Variants in ANXA11 observed in about 807,000 individuals in gnomAD.
The protein encoded by ANXA11 is 56 kDa autoantigen.
In ANXA11, 57 loss-of-function variants were observed where a neutral mutation model predicts 64.7. That is an observed-to-expected ratio of 0.88 (90% CI 0.71 to 1.10). The LOEUF is 1.10. Ranked by LOEUF, ANXA11 falls within the 50% of genes least tolerant of loss-of-function variation. ANXA11 has a pLI of 0.00. For synonymous variants in ANXA11, 260 were observed against 265.2 expected (o/e 0.98, Z 0.19); for missense variants, 675 against 670.7 (o/e 1.01, Z -0.07).
At chr10:80,182,569 A>G (rs182290591) in intron 1 of ANXA11, among the ~76,000 whole-genome samples, 29 of 152,336 alleles carry the variant, frequency 1.9e-4, no homozygotes, top group Admixed American at 1.1e-3. Flanking sequence ...ATACATGTGC[A>G]GAACATGCAG....
intron 1 of ANXA11, 39 bp from the exon 2 acceptor site, chr10:80,176,194 C>G (rs1166935602): frequency 6.6e-6 from 1 of 152,236 alleles, no homozygotes; most frequent in East Asian, 1.9e-4. Context: ...TTTACTACAG[C>G]CTTATCTGCA....
intron 1 of ANXA11, among the ~76,000 whole-genome samples, chr10:80,204,374 G>A (rs971904187): frequency 1.3e-5 from 2 of 152,258 alleles, no homozygotes; most frequent in African/African-American, 2.4e-5. Context: ...CCAGTGAAGG[G>A]TGAGCATACC....
chr10:80,193,348 A>T (rs940491207), intron 1 of ANXA11, among the ~76,000 whole-genome samples: 1 of 152,204 alleles, frequency 6.6e-6, no homozygotes, highest in African/African-American at 2.4e-5. Flanking sequence ...AATAGTTAAA[A>T]ATGATTAACT....
chr10:80,154,600 A>C lies in ANXA11; in HGVS notation c.*1253T>G, dbSNP rs1845218731. 1 of 152,250 alleles carries C rather than the reference A, an allele frequency of 6.6e-6. No homozygotes were observed. Among genetic ancestry groups the C allele is most frequent in the Non-Finnish European group, 1.5e-5 (1 of 68,070 alleles). The allele number at this position is 152,250 out of a possible 1,614,324, so 9.4% of individuals were successfully genotyped here. On this transcript the variant is annotated 3_prime_UTR_variant, in exon 16 of 16. Transcript: ENST00000422982. Reference sequence around the variant, plus strand: ...TGGGTGGAGACCCCTGATGCAAGGTAAGCTCTAGCTTCTGGACATGACACC... The same window carrying C: ...TGGGTGGAGACCCCTGATGCAAGGTCAGCTCTAGCTTCTGGACATGACACC...
chr10:80,192,716 A>G lies in ANXA11; in HGVS notation c.-58+12627T>C, dbSNP rs551649877. Among the ~76,000 whole-genome samples, 12 of 152,366 alleles carry G rather than the reference A, an allele frequency of 7.9e-5. No individual in the cohort carries two copies. The South Asian group carries it at 1.4e-3, about 18-fold the overall frequency. On this transcript the variant is annotated intron_variant, in intron 1 of 15. Coordinates refer to ENST00000422982, the MANE Select transcript of ANXA11 (RefSeq NM_145868.2). ...CAACAGCCACACTAGAAACTAGAAG[A>G]TAACAGAATAATGTGTTCAGTGTTC... is the stretch of plus-strand genomic sequence containing the variant.
Position 80,168,986 on chromosome 10 carries a change from C to T in ANXA11, c.544G>A (p.Ala182Thr), listed in dbSNP as rs758134625. ...GYPGSGTVTP[A>T]VPPTQFGSRG... is the part of the protein sequence containing the mutation. ...ACACTCACCTGGGTTGGGGGCACAG[C>T]GGGGGTGACAGTCCCAGACCCCGGG... The change falls in exon 5 of 16, where the codon GCT becomes ACT. Residue 182 changes from alanine to threonine, a missense_variant. Physicochemically the swap from Ala to Thr is moderately conservative, Grantham distance 58. Transcript: ENST00000422982. 9 of 1,538,268 alleles carry T rather than the reference C, an allele frequency of 5.9e-6. No homozygotes were observed. Among genetic ancestry groups the T allele is most frequent in the South Asian group, 2.6e-5 (2 of 77,074 alleles).
At chr10:80,163,187 T>C (rs1845581756) in intron 11 of ANXA11, among the ~76,000 whole-genome samples, 162 bp downstream of exon 11, 1 of 152,180 alleles carries the variant, frequency 6.6e-6, no homozygotes, top group African/African-American at 2.4e-5. Flanking sequence ...TTACCTGTTC[T>C]AGGTCATACA....
rs776038968 is a variant in ANXA11 at position 80,157,956 on chromosome 10, A to G, written c.1335+11T>C. On this transcript the variant is annotated intron_variant, in intron 14 of 15. Transcript: ENST00000422982. ...AGGTTCCATCGCAACCTGCACATGG[A>G]AGTTACATACCCTCATGGCCTTGTT... 38 of 1,613,524 alleles carry G rather than the reference A, an allele frequency of 2.4e-5. 2 individuals carry two copies. The South Asian group carries it at 4.1e-4, about 17-fold the overall frequency.
intron 8 of ANXA11, among the ~76,000 whole-genome samples, chr10:80,164,889 C>T (rs2132392484): frequency 6.6e-6 from 1 of 152,356 alleles, no homozygotes; most frequent in Non-Finnish European, 1.5e-5. Flanking sequence ...ATTGTGTCAG[C>T]TGTTTCCTGC....
At chr10:80,181,227 G>A (rs1329505082) in intron 1 of ANXA11, 1 of 152,230 alleles carries the variant, frequency 6.6e-6, no homozygotes, top group Non-Finnish European at 1.5e-5. Flanking sequence ...GACGCAGGCA[G>A]ATCATTTGAG....
chr10:80,192,241 C>T (rs1005321561), intron 1 of ANXA11, among the ~76,000 whole-genome samples: 3 of 152,108 alleles, frequency 2.0e-5, no homozygotes, highest in South Asian at 2.1e-4. Flanking sequence ...GGAAACACAC[C>T]GAAGGGGGAA....
intron 10 of ANXA11, 26 bp from the exon 11 acceptor site, chr10:80,163,431 T>G: frequency 1.2e-6 from 2 of 1,614,072 alleles, no homozygotes; most frequent in Non-Finnish European, 8.5e-7. Context: ...TGTATGGTCA[T>G]GCCCACTCCT....
chr10:80,186,482 G>A (rs61860042), intron 1 of ANXA11, among the ~76,000 whole-genome samples: 10,954 of 152,208 alleles, frequency 0.072, 585 homozygotes, highest in South Asian at 0.2. Flanking sequence ...GTGTATGGGG[G>A]CCTGCTCCAC....
At chr10:80,197,872 C>T (rs570370252) in intron 1 of ANXA11, among the ~76,000 whole-genome samples, 3 of 151,724 alleles carry the variant, frequency 2.0e-5, no homozygotes, top group East Asian at 1.9e-4. Context: ...TGCAGTGAGC[C>T]GAGATCATGC....
rs1845338632 is a variant in ANXA11, at chr10:80,157,867, C to T, written c.1335+100G>A. The T allele has an allele frequency of 1.9e-6, 3 of 1,589,624 alleles. No homozygotes were observed. The South Asian group carries it at 3.4e-5, about 18-fold the overall frequency. ...CTACCCAGGTCCTCGGAACTCTCAG[C>T]TGAGATTTAGCTCTCCCCAGGCCTT... On this transcript the variant is annotated intron_variant, in intron 14 of 15. Coordinates refer to ENST00000422982, the MANE Select transcript of ANXA11 (RefSeq NM_145868.2).
chr10:80,152,222 A>C lies in ANXA11; in HGVS notation c.*3631T>G, dbSNP rs940385662. On this transcript the variant is annotated 3_prime_UTR_variant, in exon 16 of 16. Transcript: ENST00000422982. ...TTGACTAACATATCCAGGAGGCAGG[A>C]GAAGACCCATTGTGTTCTATCCCAG... is the stretch of plus-strand genomic sequence containing the variant. 4.6e-5 allele frequency: 7 copies of C among 152,262 alleles called. No individual in the cohort carries two copies. The highest frequency in any genetic ancestry group is 1.4e-4 in the African/African-American group (6 of 41,460). 9.4% of individuals were successfully genotyped at this position (152,262 alleles called of 1,614,324 possible). A position where few individuals can be genotyped will look rare whatever the true frequency, so the allele number is the denominator to read the frequency against.
rs563103743 is a variant in ANXA11, at chr10:80,178,176, GAGGCAACAC to G, written c.-57-2030_-57-2022del. Among the ~76,000 whole-genome samples the G allele has an allele frequency of 1.3e-4, 20 of 152,162 alleles. No individual in the cohort carries two copies. The South Asian group carries it at 4.1e-3, about 32-fold the overall frequency. ...TGTCCAGCACCCACTCCCCAGGAGA[GAGGCAACAC>G]AGTGAGCTATAATCCAGAAGATCTG... is the stretch of plus-strand genomic sequence containing the variant. On this transcript the variant is annotated intron_variant, in intron 1 of 15. Transcript: ENST00000422982.
At chr10:80,158,289 G>A (rs879472033) in intron 13 of ANXA11, among the ~76,000 whole-genome samples, 50 of 152,138 alleles carry the variant, frequency 3.3e-4, no homozygotes, top group Admixed American at 2.9e-3. Context: ...TCAGAGGGGC[G>A]GGGGTCTTAG....
chr10:80,169,048 G>C lies in ANXA11; in HGVS notation c.482C>G (p.Pro161Arg), dbSNP rs1161433938. Residue 161 changes from proline to arginine, a missense_variant, in exon 5 of 16, where the codon CCT becomes CGT. By Grantham distance (103) the Pro-to-Arg change is moderately radical. Transcript: ENST00000422982. ...GCTCGGCACTGGCTGCTGCTGCCCA[G>C]GGAGTGGCACTGGAGGCTGACCAGG... The part of the protein sequence containing the change: ...TYPGQPPVPL[P>R]GQQQPVPSYP... 1.3e-6 allele frequency: 2 copies of C among 1,543,438 alleles called. No homozygotes were observed. The highest frequency in any genetic ancestry group is 1.7e-6 in the Non-Finnish European group (2 of 1,150,726).
Sources: allele counts gnomAD v4.1 joint callset (sites outside exome capture counted in the v4.1 genomes callset), GRCh38; gene constraint gnomAD v4.1.1; transcripts MANE v1.5; gene names NCBI Gene and HGNC (gene_info 2026-07-23, HGNC 2026-07-21).